The following ERBB4 variants were observed in gnomAD, a reference collection of about 807,000 sequenced individuals.
ERBB4 encodes erb-b2 receptor tyrosine kinase 4.
Under a neutral mutation model 158.0 loss-of-function variants are expected in ERBB4, and 42 were observed. That is an observed-to-expected ratio of 0.27 (90% CI 0.21 to 0.34). The LOEUF (loss-of-function observed/expected upper bound fraction) is 0.34, where lower values mean the gene tolerates loss of function less well. Ranked by LOEUF, ERBB4 falls within the 10% of genes least tolerant of loss-of-function variation. The probability of loss-of-function intolerance (pLI) is 1.00; values close to 1 mark genes in which losing one functional copy is unlikely to be tolerated. For missense variants in ERBB4, 1,333 were observed against 1,624.1 expected (o/e 0.82, Z 3.08); for synonymous variants, 583 against 558.7 (o/e 1.04, Z -0.61).
intron 1 of ERBB4, among the ~76,000 whole-genome samples, chr2:212,511,138 A>C (rs1181999279): frequency 6.6e-6 from 1 of 152,184 alleles, no homozygotes; most frequent in Admixed American, 6.5e-5. Flanking sequence ...CACTGAAAAG[A>C]TTGACATAAT....
chr2:211,627,902 A>T (rs2069924053), intron 17 of ERBB4, among the ~76,000 whole-genome samples: 1 of 152,212 alleles, frequency 6.6e-6, no homozygotes, highest in South Asian at 2.1e-4. Context: ...CATTATAATC[A>T]TTCATGAGTA....
At chr2:212,047,196 C>A (rs1400092749) in intron 2 of ERBB4, among the ~76,000 whole-genome samples, 1 of 152,112 alleles carries the variant, frequency 6.6e-6, no homozygotes, top group African/African-American at 2.4e-5. Context: ...TTATCCTAAA[C>A]AAAATCCACC....
intron 2 of ERBB4, among the ~76,000 whole-genome samples, chr2:212,055,323 T>A (rs892734845): frequency 1.3e-5 from 2 of 152,134 alleles, no homozygotes; most frequent in Non-Finnish European, 2.9e-5. Context: ...GTGGAGCCCA[T>A]GACAGCTGAA....
intron 20 of ERBB4, among the ~76,000 whole-genome samples, chr2:211,508,075 C>A (rs1342489359): frequency 6.6e-6 from 1 of 152,036 alleles, no homozygotes; most frequent in African/African-American, 2.4e-5. Flanking sequence ...TAGGCATGGG[C>A]AAAGACTTCA....
chr2:211,540,217 T>C (rs12694239), intron 20 of ERBB4, among the ~76,000 whole-genome samples: 29 of 122,376 alleles, frequency 2.4e-4, no homozygotes, highest in Admixed American at 1.9e-3. Flanking sequence ...CACACACACA[T>C]ATATATAATA....
chr2:211,656,300 G>A (rs1026386711), intron 16 of ERBB4, among the ~76,000 whole-genome samples: 10 of 150,668 alleles, frequency 6.6e-5, no homozygotes, highest in Admixed American at 2.0e-4. Context: ...CACTATATAC[G>A]CTTCAATACA....
At chr2:211,669,230 AAAAAAAAAGAAAAAAG>A (rs2071743649) in intron 14 of ERBB4, among the ~76,000 whole-genome samples, 1 of 150,586 alleles carries the variant, frequency 6.6e-6, no homozygotes, top group Non-Finnish European at 1.5e-5. Flanking sequence ...AAAAAAAAAA[AAAAAAAAAGAAAAAAG>A]AAAAAAGCAA....
intron 1 of ERBB4, among the ~76,000 whole-genome samples, chr2:212,159,947 T>C (rs1243908878): frequency 2.0e-5 from 3 of 151,974 alleles, no homozygotes. Context: ...AAAACATTAT[T>C]TTTAGGGTTA....
intron 1 of ERBB4, among the ~76,000 whole-genome samples, chr2:212,468,175 AGAC>A (rs1688934361): frequency 6.6e-6 from 1 of 152,130 alleles, no homozygotes; most frequent in African/African-American, 2.4e-5. Flanking sequence ...GTCTCAGGTG[AGAC>A]GTTGGACTGT....
chr2:212,417,311 C>G (rs1404641468), intron 1 of ERBB4, among the ~76,000 whole-genome samples: 1 of 152,004 alleles, frequency 6.6e-6, no homozygotes, highest in Non-Finnish European at 1.5e-5. Context: ...TCCACTTCTT[C>G]ACTTATACTG....
intron 19 of ERBB4, among the ~76,000 whole-genome samples, chr2:211,596,964 C>T (rs1233515542): frequency 6.6e-6 from 1 of 152,094 alleles, no homozygotes; most frequent in Non-Finnish European, 1.5e-5. Context: ...TGGGTTTTTG[C>T]CATGTTGGCC....
At chr2:211,879,693 C>G (rs567447507) in intron 3 of ERBB4, among the ~76,000 whole-genome samples, 1 of 152,064 alleles carries the variant, frequency 6.6e-6, no homozygotes, top group Non-Finnish European at 1.5e-5. Flanking sequence ...GACAATGGAA[C>G]AGTGTAGTAG....
intron 2 of ERBB4, among the ~76,000 whole-genome samples, chr2:212,039,211 C>T (rs369780591): frequency 6.6e-6 from 1 of 152,108 alleles, no homozygotes; most frequent in African/African-American, 2.4e-5. Context: ...AGAAGAGAAT[C>T]ACTAATAAAT....
At chr2:211,749,822 G>A (rs998105787) in intron 5 of ERBB4, among the ~76,000 whole-genome samples, 1 of 152,122 alleles carries the variant, frequency 6.6e-6, no homozygotes, top group Admixed American at 6.5e-5. Flanking sequence ...TGATAACAAA[G>A]AAATATATTT....
chr2:212,433,298 C>T (rs16848550), intron 1 of ERBB4, among the ~76,000 whole-genome samples: 3,625 of 152,070 alleles, frequency 0.024, 105 homozygotes, highest in South Asian at 0.051. Context: ...TGAGAATTCA[C>T]ATGGAATCTG....
intron 1 of ERBB4, among the ~76,000 whole-genome samples, chr2:212,167,526 G>A (rs2081384631): frequency 6.6e-6 from 1 of 152,104 alleles, no homozygotes; most frequent in African/African-American, 2.4e-5. Flanking sequence ...ATGGAAGACA[G>A]TATGGCTATT....
intron 2 of ERBB4, among the ~76,000 whole-genome samples, chr2:212,008,009 A>T (rs2076295988): frequency 6.6e-6 from 1 of 152,050 alleles, no homozygotes. Flanking sequence ...GAATGAACAG[A>T]TGCATGAATA....
chr2:212,186,033 T>G (rs1370318573), intron 1 of ERBB4, among the ~76,000 whole-genome samples: 1 of 152,186 alleles, frequency 6.6e-6, no homozygotes, highest in Non-Finnish European at 1.5e-5. Flanking sequence ...TTCAAACGTT[T>G]GCTTACAAGA....
intron 3 of ERBB4, among the ~76,000 whole-genome samples, chr2:211,861,738 T>C (rs1315748518): frequency 1.3e-5 from 2 of 152,274 alleles, no homozygotes; most frequent in Non-Finnish European, 2.9e-5. Context: ...GGGTGGGATT[T>C]GAGGCTTGGA....
Sources: gnomAD v4.1 joint callset for allele counts (sites outside exome capture counted in the v4.1 genomes callset) on GRCh38, gnomAD v4.1.1 for gene constraint, MANE v1.5 for transcripts, NCBI Gene and HGNC (gene_info 2026-07-23, HGNC 2026-07-21) for gene names.